DGKI: variants seen among roughly 807,000 people sequenced by gnomAD.
DGKI encodes diacylglycerol kinase iota.
A neutral mutation model predicts 147.5 loss-of-function variants in DGKI; 55 were observed. That is an observed-to-expected ratio of 0.37 (90% confidence interval 0.30 to 0.47). The LOEUF (loss-of-function observed/expected upper bound fraction) is 0.47. DGKI is among the 20% of genes least tolerant of loss of function. DGKI has a pLI of 1.00. For missense variants in DGKI, 1,007 were observed against 1,323.8 expected, an observed-to-expected ratio of 0.76 and a Z score of 3.71; for synonymous variants, 469 against 477.1, an observed-to-expected ratio of 0.98 and a Z score of 0.22.
chr7:137,809,681 C>A (rs576818682), intron 1 of DGKI, among the ~76,000 whole-genome samples: 1 of 152,066 alleles, frequency 6.6e-6, no homozygotes, highest in Non-Finnish European at 1.5e-5. Flanking sequence ...CCAAGGAAGG[C>A]AGATTGCTTA....
In DGKI at chr7:137,826,416, T is replaced by C. The variant is rs113931602; in HGVS notation, c.401+20046A>G. Among the ~76,000 whole-genome samples the C allele has an allele frequency of 7.2e-3, 1,098 of 152,286 alleles. 11 individuals carry two copies. The highest frequency in any genetic ancestry group is 0.025 in the African/African-American group (1,055 of 41,558). ...AATGTTGCACTCCATTTACTGAAGATTATGTCTGAAAAGAGTGTGTGGTTT... is the reference window on the plus strand; with the variant it reads ...AATGTTGCACTCCATTTACTGAAGACTATGTCTGAAAAGAGTGTGTGGTTT... On this transcript the variant is annotated intron_variant, in intron 1 of 32. Coordinates refer to ENST00000614521, the MANE Select transcript of DGKI (RefSeq NM_001321708.2).
At chr7:137,642,158 C>G (rs940490802) in intron 6 of DGKI, among the ~76,000 whole-genome samples, 1 of 152,210 alleles carries the variant, frequency 6.6e-6, no homozygotes, top group Non-Finnish European at 1.5e-5. Context: ...CTCCATCCTT[C>G]TCTACTCAAT....
At chr7:137,545,248 T>TAGCATATGTGATATGGAGAAAACAA (rs1339243343) in intron 20 of DGKI, among the ~76,000 whole-genome samples, 4 of 152,154 alleles carry the variant, frequency 2.6e-5, no homozygotes, top group Non-Finnish European at 5.9e-5. Flanking sequence ...TAATAAATGC[T>TAGCATATGTGATATGGAGAAAACAA]AGGTAAGCAT....
intron 1 of DGKI, among the ~76,000 whole-genome samples, chr7:137,828,902 A>G (rs1798141525): frequency 6.6e-6 from 1 of 152,366 alleles, no homozygotes; most frequent in South Asian, 2.1e-4. Context: ...AGAGCATAAG[A>G]AACAATTTCT....
intron 20 of DGKI, among the ~76,000 whole-genome samples, chr7:137,543,395 A>G (rs1469098991): frequency 6.6e-6 from 1 of 152,236 alleles, no homozygotes; most frequent in African/African-American, 2.4e-5. Context: ...TGGTCAAAAC[A>G]TAAAATTTCA....
chr7:137,776,560 G>A lies in DGKI; in HGVS notation c.401+69902C>T, dbSNP rs541539062. ...AGAAGGATTACACAACACAGAAAATGGTTAAGTGTGGTTACCTCTGAGGGT... is the reference window on the plus strand; with the variant it reads ...AGAAGGATTACACAACACAGAAAATAGTTAAGTGTGGTTACCTCTGAGGGT... On this transcript the variant is annotated intron_variant, in intron 1 of 32. Transcript: ENST00000614521. Among the ~76,000 whole-genome samples, 7 of 152,316 alleles carry A rather than the reference G, an allele frequency of 4.6e-5. No homozygotes were observed. In the South Asian group the frequency reaches 1.5e-3, roughly 32 times the overall value.
chr7:137,466,964 T>G lies in DGKI; in HGVS notation c.2444-22A>C, dbSNP rs755019142. On this transcript the variant is annotated intron_variant, in intron 24 of 32. Coordinates refer to ENST00000614521, the MANE Select transcript of DGKI (RefSeq NM_001321708.2). ...GTTGCTAGGGGAAAAAAAATGCAGA[T>G]GGCATTCAGAATGTTCTGTAATCTG... 21 of 1,613,522 alleles carry G rather than the reference T, an allele frequency of 1.3e-5. 1 individual carries two copies. The East Asian group carries it at 4.7e-4, about 36-fold the overall frequency.
At chr7:137,588,211 C>T (rs1819477183) in intron 12 of DGKI, among the ~76,000 whole-genome samples, 1 of 152,116 alleles carries the variant, frequency 6.6e-6, no homozygotes, top group South Asian at 2.1e-4. Flanking sequence ...AATTCTTTTT[C>T]TCTAGTTCTG....
chr7:137,633,069 G>A (rs937028373), intron 6 of DGKI, among the ~76,000 whole-genome samples: 8 of 151,926 alleles, frequency 5.3e-5, no homozygotes, highest in East Asian at 3.9e-4. Context: ...AAAATTACTC[G>A]GGCGTGGTGA....
At chr7:137,445,224 T>C (rs1813668278) in intron 27 of DGKI, among the ~76,000 whole-genome samples, 1 of 152,236 alleles carries the variant, frequency 6.6e-6, no homozygotes, top group South Asian at 2.1e-4. Context: ...AGATTACTGT[T>C]TATTATGTGA....
intron 21 of DGKI, among the ~76,000 whole-genome samples, chr7:137,515,187 G>A (rs552243931): frequency 4.1e-4 from 62 of 152,128 alleles, no homozygotes; most frequent in South Asian, 6.2e-4. Context: ...CTCTTTAAAT[G>A]TCACTTCTTC....
At chr7:137,780,733 T>A (rs1010938254) in intron 1 of DGKI, among the ~76,000 whole-genome samples, 1 of 152,230 alleles carries the variant, frequency 6.6e-6, no homozygotes, top group African/African-American at 2.4e-5. Context: ...ATAATTTTTT[T>A]AAAAGAGCTA....
At chr7:137,426,550 C>T (rs1038640792) in intron 28 of DGKI, among the ~76,000 whole-genome samples, 14 of 152,204 alleles carry the variant, frequency 9.2e-5, no homozygotes, top group East Asian at 1.9e-4. Context: ...CACATAACAA[C>T]ATTAACTTTA....
At chr7:137,495,010 C>T (rs1211633631) in intron 21 of DGKI, among the ~76,000 whole-genome samples, 2 of 151,878 alleles carry the variant, frequency 1.3e-5, no homozygotes, top group East Asian at 3.9e-4. Context: ...TAATTTCAGA[C>T]AAAATAGACT....
chr7:137,416,066 A>G (rs976798886), intron 28 of DGKI, among the ~76,000 whole-genome samples: 2 of 152,206 alleles, frequency 1.3e-5, no homozygotes, highest in Admixed American at 6.5e-5. Context: ...ATTTCTCAGA[A>G]TTTAAAAGTT....
intron 16 of DGKI, 56 bp downstream of exon 16, chr7:137,578,214 A>G: frequency 8.0e-7 from 1 of 1,255,382 alleles, no homozygotes; most frequent in Admixed American, 1.7e-5. Flanking sequence ...TTTATGATAC[A>G]CAGTGAATTG....
At chr7:137,537,599 T>C (rs549104046) in intron 20 of DGKI, among the ~76,000 whole-genome samples, 153 of 152,146 alleles carry the variant, frequency 1.0e-3, no homozygotes, top group African/African-American at 3.6e-3. Context: ...TCGAAATTGG[T>C]TTTTGGGTCC....
rs1355014024 is a variant in DGKI at position 137,391,014 on chromosome 7, G to T, written c.*206C>A. On this transcript the variant is annotated 3_prime_UTR_variant, in exon 33 of 33. Transcript: ENST00000614521. ...TCGTACTGTATTCCACAAATCTCCAGGTATCCTGCCTCCTTCTCAATGGGC... is the reference window on the plus strand; with the variant it reads ...TCGTACTGTATTCCACAAATCTCCATGTATCCTGCCTCCTTCTCAATGGGC... 1 of 568,056 alleles carries T rather than the reference G, an allele frequency of 1.8e-6. No individual in the cohort carries two copies. The highest frequency in any genetic ancestry group is 3.1e-6 in the Non-Finnish European group (1 of 320,736). 35.2% of individuals were successfully genotyped at this position (568,056 alleles called of 1,614,324 possible). A position where few individuals can be genotyped will look rare whatever the true frequency, so the allele number is the denominator to read the frequency against.
At chr7:137,533,044 T>G (rs1817395318) in intron 20 of DGKI, among the ~76,000 whole-genome samples, 1 of 152,168 alleles carries the variant, frequency 6.6e-6, no homozygotes, top group African/African-American at 2.4e-5. Flanking sequence ...GTGGCACCTG[T>G]AATTTCAGCA....
Sources: allele counts gnomAD v4.1 joint callset (sites outside exome capture counted in the v4.1 genomes callset), GRCh38; gene constraint gnomAD v4.1.1; transcripts MANE v1.5; gene names NCBI Gene and HGNC (gene_info 2026-07-23, HGNC 2026-07-21).